The following PHKA2 variants were observed in gnomAD, a reference collection of about 807,000 sequenced individuals.
PHKA2 encodes phosphorylase b kinase regulatory subunit alpha, liver isoform.
In PHKA2, 31 loss-of-function variants were observed where a neutral mutation model predicts 102.0. The ratio of observed to expected loss-of-function variants is 0.30; its 90% CI spans 0.23 to 0.41. The LOEUF (loss-of-function observed/expected upper bound fraction) is 0.41. Ranked by LOEUF, PHKA2 falls within the 10% of genes least tolerant of loss-of-function variation. The probability of loss-of-function intolerance (pLI) is 1.00; values close to 1 mark genes in which losing one functional copy is unlikely to be tolerated. For missense variants in PHKA2, 858 were observed against 1,023.1 expected, an observed-to-expected ratio of 0.84 and a Z score of 2.20; for synonymous variants, 455 against 416.2, an observed-to-expected ratio of 1.09 and a Z score of -1.13.
intron 1 of PHKA2, among the ~76,000 whole-genome samples, chrX:18,978,600 C>G (rs1485800754): frequency 2.7e-5 from 3 of 109,700 alleles, no homozygotes; most frequent in Non-Finnish European, 5.7e-5. Context: ...GTAGTCCCAG[C>G]TACTCGGGAG....
At chrX:18,978,696 G>C (rs965817672) in intron 1 of PHKA2, among the ~76,000 whole-genome samples, 4 of 111,540 alleles carry the variant, frequency 3.6e-5, no homozygotes, top group African/African-American at 1.3e-4. Context: ...CTGGGTGACA[G>C]AGCGAGACTC....
intron 19 of PHKA2, among the ~76,000 whole-genome samples, chrX:18,917,265 T>TC (rs2048034029): frequency 9.2e-6 from 1 of 108,569 alleles, no homozygotes. Flanking sequence ...AATGTCTTTT[T>TC]TTTTTTTTTT....
chrX:18,928,407 T>C (rs113484816), intron 13 of PHKA2, among the ~76,000 whole-genome samples: 1,638 of 112,263 alleles, frequency 0.015, 28 homozygotes, highest in African/African-American at 0.051. Context: ...TCAATCACTG[T>C]TTTCAACGTA....
At chrX:18,908,703 C>G in intron 21 of PHKA2, 98 bp downstream of exon 21, 1 of 799,610 alleles carries the variant, frequency 1.3e-6, no homozygotes, top group Non-Finnish European at 1.9e-6. Flanking sequence ...TTTCAACTTC[C>G]CAGCCTCCGG....
chrX:18,894,299 T>C lies in PHKA2; in HGVS notation c.3442A>G (p.Thr1148Ala). Residue 1148 changes from threonine to alanine, a missense_variant, in exon 32 of 33, where the codon ACG becomes GCG. By Grantham distance (58) the Thr-to-Ala change is moderately conservative. Transcript: ENST00000379942. ...GTCATCTCCGTGTCCGAGAGCAGCGTCAGCACCATGATGGCTTCCACCAGC... is the reference window on the plus strand; with the variant it reads ...GTCATCTCCGTGTCCGAGAGCAGCGCCAGCACCATGATGGCTTCCACCAGC... ...QLLVEAIMVLTLLSDTEMTSI... is the reference protein window; with the variant it reads ...QLLVEAIMVLALLSDTEMTSI... 1.7e-6 allele frequency: 2 copies of C among 1,211,029 alleles called. No individual in the cohort carries two copies. Among genetic ancestry groups the C allele is most frequent in the Non-Finnish European group, 1.1e-6 (1 of 895,099 alleles).
chrX:18,965,841 G>A (rs753131195), intron 1 of PHKA2, among the ~76,000 whole-genome samples: 1 of 111,580 alleles, frequency 9.0e-6, no homozygotes, highest in East Asian at 2.8e-4. Context: ...AAATATAAGC[G>A]ACAAGGAACA....
intron 10 of PHKA2, 55 bp from the exon 11 acceptor site, chrX:18,936,205 T>C (rs2048392339): frequency 4.9e-6 from 4 of 821,202 alleles, no homozygotes; most frequent in Non-Finnish European, 7.3e-6. Flanking sequence ...ATGATTGCTG[T>C]AACAGCGGTG....
chrX:18,895,491 C>T (rs914644723), intron 30 of PHKA2: 7 of 314,852 alleles, frequency 2.2e-5, no homozygotes, highest in African/African-American at 7.9e-5. Flanking sequence ...CAACTGGGCC[C>T]GGGCGGCTGC....
chrX:18,929,527 C>T (rs1452408243), intron 12 of PHKA2, among the ~76,000 whole-genome samples: 1 of 112,129 alleles, frequency 8.9e-6, no homozygotes, highest in Non-Finnish European at 1.9e-5. Context: ...TAGGGCTCGT[C>T]GAATATGCCA....
chrX:18,926,483 G>A lies in PHKA2; in HGVS notation c.1429C>T (p.Arg477Trp), dbSNP rs376233279. ...TTGGCATATATGTGACTAAGAATCC[G>A]GCCCGGCTGGACTTGAATTGGATGA... is the stretch of plus-strand genomic sequence containing the variant. ...DIHPIQVQPG[R>W]ILSHIYAKLG... The change falls in exon 14 of 33, where the codon CGG becomes TGG. Residue 477 changes from arginine to tryptophan, a missense_variant. Physicochemically the swap from Arg to Trp is moderately radical, Grantham distance 101. This residue lies in a region of PHKA2 where 671 missense variants were observed against 745.2 expected (regional missense o/e 0.90). Coordinates refer to ENST00000379942, the MANE Select transcript of PHKA2 (RefSeq NM_000292.3). 4 of 1,202,807 alleles carry A rather than the reference G, an allele frequency of 3.3e-6. No homozygotes were observed. Among genetic ancestry groups the A allele is most frequent in the African/African-American group, 3.5e-5 (2 of 57,162 alleles).
rs781228964 is a variant in PHKA2 at position 18,943,854 on chromosome X, AC to A, written c.619-47del. 1.1e-3 allele frequency: 975 copies of A among 875,051 alleles called. 8 individuals are homozygous for A. The African/African-American group carries it at 0.016, about 15-fold the overall frequency. 72.1% of individuals were successfully genotyped at this position (875,051 alleles called of 1,213,427 possible). A position where few individuals can be genotyped will look rare whatever the true frequency, so the allele number is the denominator to read the frequency against. On this transcript the variant is annotated intron_variant, in intron 6 of 32. Transcript: ENST00000379942. ...TACTTTTTCTTTCTAATAAACATACACTCCAATATCTGGTGTTCCTTTTTCA... is the reference window on the plus strand; with the variant it reads ...TACTTTTTCTTTCTAATAAACATACATCCAATATCTGGTGTTCCTTTTTCA...
chrX:18,959,658 AATC>A (rs2048839890), intron 1 of PHKA2, among the ~76,000 whole-genome samples: 1 of 111,298 alleles, frequency 9.0e-6, no homozygotes, highest in African/African-American at 3.3e-5. Flanking sequence ...GCCTGAAAAA[AATC>A]ATGACTAAAT....
Position 18,913,642 on chromosome X carries a change from C to T in PHKA2, c.2138-2682G>A, listed in dbSNP as rs191403294. Among the ~76,000 whole-genome samples, 332 of 111,692 alleles carry T rather than the reference C, an allele frequency of 3.0e-3. 2 individuals are homozygous for T. The highest frequency in any genetic ancestry group is 5.6e-3 in the Non-Finnish European group (297 of 53,078). The stretch of plus-strand genomic sequence containing the variant: ...GCTGGTCTTGAACTCCTGACCCACC[C>T]ACCTGGGCCTCCTAAAGTGCTGGGA... On this transcript the variant is annotated intron_variant, in intron 19 of 32. Transcript: ENST00000379942.
intron 15 of PHKA2, among the ~76,000 whole-genome samples, chrX:18,924,917 T>C (rs775970279): frequency 1.6e-4 from 18 of 112,186 alleles, no homozygotes; most frequent in South Asian, 3.7e-4. Flanking sequence ...GACACTCTGT[T>C]TACCTGATTG....
chrX:18,896,920 C>T (rs1187254219), intron 30 of PHKA2, among the ~76,000 whole-genome samples: 1 of 111,569 alleles, frequency 9.0e-6, no homozygotes, highest in Non-Finnish European at 1.9e-5. Flanking sequence ...AGTTGTCACA[C>T]GGGGGTGGGG....
intron 26 of PHKA2, among the ~76,000 whole-genome samples, chrX:18,901,854 T>C (rs770382087): frequency 9.1e-6 from 1 of 110,054 alleles, no homozygotes; most frequent in African/African-American, 3.3e-5. Flanking sequence ...ATGTTTTTTT[T>C]TTTTCCGAGA....
chrX:18,911,655 A>C (rs897359230), intron 19 of PHKA2, among the ~76,000 whole-genome samples: 1 of 112,125 alleles, frequency 8.9e-6, no homozygotes, highest in Non-Finnish European at 1.9e-5. Context: ...TCTAACACAA[A>C]CCAACAGAAG....
chrX:18,941,628 A>G lies in PHKA2; in HGVS notation c.765T>C (p.Ile255=). 1 of 1,157,970 alleles carries G rather than the reference A, an allele frequency of 8.6e-7. No homozygotes were observed. Among genetic ancestry groups the G allele is most frequent in the Non-Finnish European group, 1.2e-6 (1 of 845,978 alleles). ...MLPRASTSKE[I]DAGLLSIISF... is the part of the protein sequence containing the mutation. ...AAATAATGGAAAGAAGTCCAGCATC[A>G]ATTTCTTTAGATGTCGACGCTCTTG... is the stretch of plus-strand genomic sequence containing the variant. The change falls in exon 8 of 33, where the codon ATT becomes ATC. Residue 255 remains isoleucine, a synonymous_variant. Coordinates refer to ENST00000379942, the MANE Select transcript of PHKA2 (RefSeq NM_000292.3).
intron 17 of PHKA2, among the ~76,000 whole-genome samples, chrX:18,923,573 G>A (rs2048162005): frequency 9.0e-6 from 1 of 111,622 alleles, no homozygotes; most frequent in Non-Finnish European, 1.9e-5. Context: ...GAAGGTGAGG[G>A]GCCAGTGACC....
Sources: allele counts gnomAD v4.1 joint callset (sites outside exome capture counted in the v4.1 genomes callset), GRCh38; gene constraint gnomAD v4.1.1; regional missense constraint gnomAD v4.1.1; transcripts MANE v1.5; gene names NCBI Gene and HGNC (gene_info 2026-07-23, HGNC 2026-07-21).